DIAPH2: variants seen among roughly 807,000 people sequenced by gnomAD.
The protein encoded by DIAPH2 is diaphanous related formin 2.
A neutral mutation model predicts 92.7 loss-of-function variants in DIAPH2; 35 were observed. That is an observed-to-expected ratio of 0.38 (90% CI 0.29 to 0.50). DIAPH2 has a LOEUF of 0.50. Ranked by LOEUF, DIAPH2 falls within the 20% of genes least tolerant of loss-of-function variation. The pLI is 0.94. For missense variants in DIAPH2, 701 were observed against 819.5 expected, an observed-to-expected ratio of 0.86 and a Z score of 1.77; for synonymous variants, 301 against 280.4, an observed-to-expected ratio of 1.07 and a Z score of -0.73.
rs1019694806 is a variant in DIAPH2, at chrX:97,151,270, C to T, written c.2719+9476C>T. On this transcript the variant is annotated intron_variant, in intron 22 of 26. Transcript: ENST00000324765. Reference sequence around the variant, plus strand: ...TTCTTAATGTATGTTTTACTTCAACCAAGCGGTTTTTAAAAGCCAGTCATT... The same window carrying T: ...TTCTTAATGTATGTTTTACTTCAACTAAGCGGTTTTTAAAAGCCAGTCATT... 6.3e-5 allele frequency among the ~76,000 whole-genome samples: 7 copies of T among 111,296 alleles called. No individual in the cohort carries two copies. In the East Asian group the frequency reaches 2.0e-3, roughly 31 times the overall value.
chrX:96,964,062 T>G (rs1404278113), intron 16 of DIAPH2, among the ~76,000 whole-genome samples: 1 of 111,200 alleles, frequency 9.0e-6, no homozygotes, highest in Non-Finnish European at 1.9e-5. Context: ...ATTATGTAGA[T>G]TGACACAGTC....
intron 4 of DIAPH2, among the ~76,000 whole-genome samples, chrX:96,877,488 A>G (rs2065188006): frequency 1.8e-5 from 2 of 111,771 alleles, no homozygotes; most frequent in African/African-American, 3.2e-5. Flanking sequence ...ATTGCTATCT[A>G]TGTGCATGCT....
intron 4 of DIAPH2, among the ~76,000 whole-genome samples, chrX:96,843,732 TG>T (rs748565575): frequency 5.0e-4 from 56 of 112,051 alleles, no homozygotes; most frequent in African/African-American, 1.8e-3. Context: ...AGCTCCTCCC[TG>T]CGGCAAAAGG....
At chrX:97,126,860 C>G (rs1001853913) in intron 21 of DIAPH2, among the ~76,000 whole-genome samples, 1 of 112,383 alleles carries the variant, frequency 8.9e-6, no homozygotes, top group Non-Finnish European at 1.9e-5. Flanking sequence ...TTCAGTTTTG[C>G]TTTTCCTGCC....
chrX:97,512,487 G>C (rs1234245170), intron 26 of DIAPH2, among the ~76,000 whole-genome samples: 5 of 111,788 alleles, frequency 4.5e-5, no homozygotes, highest in Admixed American at 9.4e-5. Context: ...TTTTTTGAAG[G>C]GTTTTTGTGT....
chrX:97,481,516 G>C (rs964825542), intron 26 of DIAPH2, among the ~76,000 whole-genome samples: 1 of 111,462 alleles, frequency 9.0e-6, no homozygotes, highest in African/African-American at 3.3e-5. Flanking sequence ...AAGGGTGAGG[G>C]ATCTGCACTA....
chrX:96,892,897 A>T (rs1365300266), intron 5 of DIAPH2, among the ~76,000 whole-genome samples: 1 of 111,500 alleles, frequency 9.0e-6, no homozygotes, highest in Non-Finnish European at 1.9e-5. Context: ...GGTCATATAA[A>T]GGTATGTATA....
At chrX:97,129,232 T>A (rs2067120566) in intron 21 of DIAPH2, among the ~76,000 whole-genome samples, 1 of 106,576 alleles carries the variant, frequency 9.4e-6, no homozygotes, top group Non-Finnish European at 1.9e-5. Context: ...AGTGGTGCAA[T>A]CTGAGCTCAC....
intron 4 of DIAPH2, among the ~76,000 whole-genome samples, chrX:96,777,189 A>C (rs1054476292): frequency 3.6e-5 from 4 of 111,724 alleles, no homozygotes; most frequent in African/African-American, 1.3e-4. Flanking sequence ...GTTGTGGCAT[A>C]ATTTTATCTT....
chrX:96,771,538 T>C (rs1385390303), intron 4 of DIAPH2, among the ~76,000 whole-genome samples: 1 of 111,684 alleles, frequency 9.0e-6, no homozygotes, highest in African/African-American at 3.2e-5. Context: ...ATATGATGTC[T>C]TTTTTTGTGT....
intron 23 of DIAPH2, among the ~76,000 whole-genome samples, chrX:97,297,076 CTT>C (rs57145821): frequency 0.017 from 361 of 20,682 alleles, 6 homozygotes; most frequent in African/African-American, 0.052. Context: ...CAGGCCTGGC[CTT>C]TTTTTTTTTT....
intron 23 of DIAPH2, among the ~76,000 whole-genome samples, chrX:97,275,215 G>A (rs1451868003): frequency 9.2e-5 from 10 of 109,167 alleles, no homozygotes; most frequent in South Asian, 8.0e-4. Flanking sequence ...CAGAAGGGGC[G>A]GCCGGGCAGA....
chrX:96,908,600 G>T lies in DIAPH2; in HGVS notation c.588-3728G>T, dbSNP rs1029610184. 2.0e-4 allele frequency among the ~76,000 whole-genome samples: 22 copies of T among 109,935 alleles called. No homozygotes were observed. The East Asian group carries it at 2.9e-3, about 14-fold the overall frequency. ...TGTTTCAACTGGATTCCTTTTTTTT[G>T]TTTGTTTGTTTTTTTTGAGACCGAG... On this transcript the variant is annotated intron_variant, in intron 5 of 26. Transcript: ENST00000324765.
chrX:96,827,456 A>G (rs2064823054), intron 4 of DIAPH2, among the ~76,000 whole-genome samples: 1 of 112,079 alleles, frequency 8.9e-6, no homozygotes, highest in Admixed American at 9.5e-5. Context: ...ACCATAGTCC[A>G]GGTGAAGAGA....
chrX:97,247,639 C>A, intron 22 of DIAPH2, 76 bp from the exon 23 acceptor site: 1 of 969,245 alleles, frequency 1.0e-6, no homozygotes, highest in South Asian at 2.7e-5. Flanking sequence ...AAGACTTTAA[C>A]TGATAATGTC....
At chrX:97,130,128 G>A (rs1336855753) in intron 21 of DIAPH2, among the ~76,000 whole-genome samples, 2 of 112,355 alleles carry the variant, frequency 1.8e-5, no homozygotes, top group African/African-American at 3.2e-5. Context: ...CAAGGATGTG[G>A]AGAAATTTGA....
chrX:97,376,522 TACAGA>T (rs2069502226), intron 24 of DIAPH2, among the ~76,000 whole-genome samples: 5 of 111,976 alleles, frequency 4.5e-5, no homozygotes, highest in Non-Finnish European at 7.5e-5. Flanking sequence ...GGAAATGGAG[TACAGA>T]CCCTGAAATG....
At chrX:97,029,570 A>G (rs2143036) in intron 17 of DIAPH2, among the ~76,000 whole-genome samples, 48,336 of 109,829 alleles carry the variant, frequency 0.44, 7,905 homozygotes, top group South Asian at 0.54. Context: ...TGTGCTTTTA[A>G]TGTCATATTT....
intron 22 of DIAPH2, among the ~76,000 whole-genome samples, chrX:97,165,659 A>ATTTTTT (rs199970468): frequency 1.0e-5 from 1 of 97,445 alleles, no homozygotes; most frequent in Non-Finnish European, 2.1e-5. Flanking sequence ...ATGCCCAGCA[A>ATTTTTT]TTTTTTTTTT....
Sources: gnomAD v4.1 joint callset for allele counts (sites outside exome capture counted in the v4.1 genomes callset) on GRCh38, gnomAD v4.1.1 for gene constraint, MANE v1.5 for transcripts, NCBI Gene and HGNC (gene_info 2026-07-23, HGNC 2026-07-21) for gene names.